The following CNKSR1 variants were observed in gnomAD, a reference collection of about 807,000 sequenced individuals.
CNKSR1 encodes the protein CNK homolog protein 1.
In CNKSR1, 88 loss-of-function variants were observed where a neutral mutation model predicts 95.6. The observed-to-expected ratio is 0.92, with a 90% CI of 0.78 to 1.10. The LOEUF is 1.10. Ranked by LOEUF, CNKSR1 falls within the 50% of genes least tolerant of loss-of-function variation. The pLI is 0.00. For synonymous variants in CNKSR1, 355 were observed against 369.7 expected (o/e 0.96, Z 0.46); for missense variants, 836 against 912.0 (o/e 0.92, Z 1.07).
intron 13 of CNKSR1, among the ~76,000 whole-genome samples, 166 bp downstream of exon 13, chr1:26,184,778 A>G (rs540424787): frequency 6.6e-6 from 1 of 151,898 alleles, no homozygotes; most frequent in Admixed American, 6.6e-5. Context: ...GCCTCTCACC[A>G]GACTAGAGGC....
chr1:26,181,450 G>A (rs958585637), intron 3 of CNKSR1: 16 of 256,214 alleles, frequency 6.2e-5, no homozygotes, highest in Non-Finnish European at 1.1e-4. Context: ...TGCACTGGCT[G>A]CTGCTTGTCC....
intron 1 of CNKSR1, 87 bp downstream of exon 1, chr1:26,177,686 A>T: frequency 1.3e-6 from 2 of 1,514,036 alleles, no homozygotes; most frequent in South Asian, 2.3e-5. Flanking sequence ...AAGGAAAAAA[A>T]ATCTGCGGAC....
At position 26,181,051 on chromosome 1, in the gene CNKSR1, G is replaced by A. The variant is rs771661508; in HGVS notation, c.392+155G>A. 59 of 879,400 alleles carry A rather than the reference G, an allele frequency of 6.7e-5. 1 individual carries two copies. The highest frequency in any genetic ancestry group is 7.4e-5 in the Non-Finnish European group (41 of 551,550). The allele number at this position is 879,400 out of a possible 1,614,324, so 54.5% of individuals were successfully genotyped here. On this transcript the variant is annotated intron_variant, in intron 3 of 20. Coordinates refer to ENST00000361530, the MANE Select transcript of CNKSR1 (RefSeq NM_006314.3). ...TCCCAGCACTTTGGGAGGCCGAAGCGGGCAGATCACTTGAGGTCAGGAGTT... is the reference window on the plus strand; with the variant it reads ...TCCCAGCACTTTGGGAGGCCGAAGCAGGCAGATCACTTGAGGTCAGGAGTT...
At position 26,188,594 on chromosome 1, in the gene CNKSR1, G is replaced by C; in HGVS notation, c.1591-4G>C. On this transcript the variant is annotated splice_region_variant and splice_polypyrimidine_tract_variant and intron_variant, in intron 18 of 20. Transcript: ENST00000361530. Reference sequence around the variant, plus strand: ...ACCCTCTGTGCTTTCCACCCTGCCTGCAGCCCAGCCCTGCTCAAGCTGGGA... The same window carrying C: ...ACCCTCTGTGCTTTCCACCCTGCCTCCAGCCCAGCCCTGCTCAAGCTGGGA... 1 of 1,613,546 alleles carries C rather than the reference G, an allele frequency of 6.2e-7. No individual in the cohort carries two copies. The highest frequency in any genetic ancestry group is 8.5e-7 in the Non-Finnish European group (1 of 1,179,796).
At chr1:26,180,997 G>A (rs2088638840) in intron 3 of CNKSR1, 101 bp downstream of exon 3, 2 of 1,470,076 alleles carry the variant, frequency 1.4e-6, no homozygotes, top group Non-Finnish European at 1.9e-6. Context: ...CAGATATGGT[G>A]AGCCAGGCGT....
intron 14 of CNKSR1, 181 bp from the exon 15 acceptor site, chr1:26,186,987 C>A: frequency 1.6e-6 from 1 of 619,728 alleles, no homozygotes. Flanking sequence ...CCTTTGGCCA[C>A]ATCTCCTACC....
At chr1:26,186,121 C>T (rs186635857) in intron 14 of CNKSR1, among the ~76,000 whole-genome samples, 5 of 152,276 alleles carry the variant, frequency 3.3e-5, no homozygotes, top group Non-Finnish European at 7.4e-5. Flanking sequence ...GCAGAGGTGT[C>T]CAGTCCATCC....
At chr1:26,186,299 G>T (rs1300544314) in intron 14 of CNKSR1, among the ~76,000 whole-genome samples, 5 of 152,128 alleles carry the variant, frequency 3.3e-5, no homozygotes, top group Admixed American at 3.3e-4. Context: ...TTCTTGTTTG[G>T]TTTTTTGGTT....
intron 16 of CNKSR1, among the ~76,000 whole-genome samples, 172 bp from the exon 17 acceptor site, chr1:26,188,062 G>C (rs1049301710): frequency 1.3e-5 from 2 of 152,114 alleles, no homozygotes; most frequent in Non-Finnish European, 2.9e-5. Flanking sequence ...CACGCAGCCA[G>C]TACTCACTTC....
intron 14 of CNKSR1, chr1:26,186,831 A>G (rs958164874): frequency 2.5e-5 from 8 of 319,756 alleles, no homozygotes; most frequent in Admixed American, 1.8e-4. Context: ...TCAAACTCCT[A>G]GGCTCAAATG....
intron 14 of CNKSR1, 89 bp downstream of exon 14, chr1:26,185,275 TG>T: frequency 7.3e-7 from 1 of 1,374,596 alleles, no homozygotes; most frequent in East Asian, 2.5e-5. Context: ...CTCTTATTCC[TG>T]GTCCAAGGCT....
At chr1:26,188,205 A>T in intron 16 of CNKSR1, 29 bp from the exon 17 acceptor site, 1 of 1,606,930 alleles carries the variant, frequency 6.2e-7, no homozygotes, top group Non-Finnish European at 8.5e-7. Flanking sequence ...GTGGATGGAA[A>T]CCCTGTGAGA....
rs1003262667 is a variant in CNKSR1, at chr1:26,184,624, G to A, written c.1135+12G>A. 5.6e-6 allele frequency: 9 copies of A among 1,594,456 alleles called. No individual in the cohort carries two copies. The highest frequency in any genetic ancestry group is 1.7e-4 in the Middle Eastern group (1 of 5,854). On this transcript the variant is annotated intron_variant, in intron 13 of 20. Coordinates refer to ENST00000361530, the MANE Select transcript of CNKSR1 (RefSeq NM_006314.3). ...GAAGAAATCAAAAGGTATGAGGTGC[G>A]CTGGACTAGGTGGGGGTTCCCCTGT...
Position 26,189,319 on chromosome 1 carries a change from G to T in CNKSR1, c.1913G>T (p.Gly638Val). 2 of 1,614,178 alleles carry T rather than the reference G, an allele frequency of 1.2e-6. No individual in the cohort carries two copies. The highest frequency in any genetic ancestry group is 1.7e-6 in the Non-Finnish European group (2 of 1,180,000). ...CTGCAGGTCCTAGAAGAAGTGCTGG[G>T]TGACCCTGAGCTGACAGGAGAGAAG... ...QELQVLEEVLGDPELTGEKFR... is the reference protein window; with the variant it reads ...QELQVLEEVLVDPELTGEKFR... Residue 638 changes from glycine (G) to valine (V), a missense_variant, in exon 21 of 21, where the codon GGT becomes GTT. By Grantham distance (109) the Gly-to-Val change is moderately radical (BLOSUM62 -3). Coordinates refer to ENST00000361530, the MANE Select transcript of CNKSR1 (RefSeq NM_006314.3).
rs754460781 is a variant in CNKSR1 at position 26,182,601 on chromosome 1, C to T, written c.624+17C>T. On this transcript the variant is annotated intron_variant, in intron 6 of 20. Transcript: ENST00000361530. ...AGTCCATTGGTGAGCCCTGCCCTCC[C>T]ACCTCTCACTTCTGACCCCTTGGCA... is the stretch of plus-strand genomic sequence containing the variant. The T allele has an allele frequency of 3.7e-6, 6 of 1,603,102 alleles. No homozygotes were observed. The highest frequency in any genetic ancestry group is 5.1e-6 in the Non-Finnish European group (6 of 1,172,762).
chr1:26,188,007 T>A (rs1256385199), intron 16 of CNKSR1, among the ~76,000 whole-genome samples: 1 of 152,006 alleles, frequency 6.6e-6, no homozygotes, highest in East Asian at 1.9e-4. Context: ...GCAATCCTCC[T>A]GCCTCAGCTT....
Position 26,189,617 on chromosome 1 carries a change from C to G in CNKSR1, c.*69C>G. On this transcript the variant is annotated 3_prime_UTR_variant, in exon 21 of 21. Coordinates refer to ENST00000361530, the MANE Select transcript of CNKSR1 (RefSeq NM_006314.3). ...CCTCAACCCCAGCTTCTGACGTGTC[C>G]AGGACAGAGCATCCCTGGATTCTGT... 1.2e-6 allele frequency: 1 copy of G among 827,416 alleles called. No individual in the cohort carries two copies. Among genetic ancestry groups the G allele is most frequent in the South Asian group, 1.3e-5 (1 of 75,478 alleles). The allele number at this position is 827,416 out of a possible 1,614,324, so 51.3% of individuals were successfully genotyped here.
Position 26,181,861 on chromosome 1 carries a change from C to A in CNKSR1, c.397C>A (p.Leu133Ile), listed in dbSNP as rs753149249. 3 of 1,614,090 alleles carry A rather than the reference C, an allele frequency of 1.9e-6. No homozygotes were observed. In the South Asian group the frequency reaches 3.3e-5, roughly 18 times the overall value. ...DALLFWLSRY[L>I]FSHLNDFSAC... ...GTGCTATTCTTCCCCTGCCAGGTAC[C>A]TCTTCTCCCACTTAAATGATTTCTC... Residue 133 changes from leucine to isoleucine, a missense_variant, in exon 4 of 21, where the codon CTC becomes ATC. Leu to Ile is a conservative substitution (Grantham distance 5). Coordinates refer to ENST00000361530, the MANE Select transcript of CNKSR1 (RefSeq NM_006314.3).
At chr1:26,182,735 C>T (rs539125876) in intron 6 of CNKSR1, 151 bp downstream of exon 6, 2 of 771,686 alleles carry the variant, frequency 2.6e-6, no homozygotes, top group Admixed American at 4.2e-5. Context: ...AGAGGATTGG[C>T]CAGGGTCTCC....
Sources: allele counts gnomAD v4.1 joint callset (sites outside exome capture counted in the v4.1 genomes callset), GRCh38; gene constraint gnomAD v4.1.1; transcripts MANE v1.5; gene names NCBI Gene and HGNC (gene_info 2026-07-23, HGNC 2026-07-21).